MED13L: variants seen among roughly 807,000 people sequenced by gnomAD.
The protein encoded by MED13L is mediator of RNA polymerase II transcription subunit 13-like.
Under a neutral mutation model 220.9 loss-of-function variants are expected in MED13L, and 7 were observed. The observed-to-expected ratio is 0.03, with a 90% CI of 0.02 to 0.06. The LOEUF (loss-of-function observed/expected upper bound fraction) is 0.06. Among genes scored for constraint, MED13L ranks in the 10% least tolerant of loss-of-function variants. MED13L has a pLI of 1.00. For synonymous variants in MED13L, 1,011 were observed against 1,015.2 expected (o/e 1.00, Z 0.08); for missense variants, 1,965 against 2,760.5 (o/e 0.71, Z 6.46).
intron 7 of MED13L, among the ~76,000 whole-genome samples, chr12:116,018,958 T>A (rs1486903381): frequency 3.3e-5 from 5 of 149,734 alleles, no homozygotes; most frequent in Non-Finnish European, 5.9e-5. Context: ...CATACACACA[T>A]ACAGGGGCAG....
At chr12:116,018,761 A>T (rs1879877347) in intron 7 of MED13L, among the ~76,000 whole-genome samples, 3 of 152,180 alleles carry the variant, frequency 2.0e-5, no homozygotes, top group African/African-American at 7.2e-5. Context: ...GTATTTATTC[A>T]GAGCTACTAA....
At chr12:116,031,720 GAAAAGAAAAGAAAAGA>G (rs1880795891) in intron 4 of MED13L, among the ~76,000 whole-genome samples, 9 of 62,192 alleles carry the variant, frequency 1.4e-4, no homozygotes, top group Admixed American at 4.6e-4. Context: ...GAAAAGAAAA[GAAAAGAAAAGAAAAGA>G]AAAGAAAAGA....
chr12:116,217,198 G>A (rs1011584771), intron 2 of MED13L, among the ~76,000 whole-genome samples: 1 of 152,172 alleles, frequency 6.6e-6, no homozygotes, highest in Non-Finnish European at 1.5e-5. Flanking sequence ...CCAAGAGGGT[G>A]CTTGAGCACC....
At chr12:115,992,623 A>AATATTAC (rs1243269810) in intron 16 of MED13L, among the ~76,000 whole-genome samples, 4 of 152,232 alleles carry the variant, frequency 2.6e-5, no homozygotes, top group Non-Finnish European at 5.9e-5. Flanking sequence ...AACTGATAGA[A>AATATTAC]ATATTACATA....
intron 19 of MED13L, among the ~76,000 whole-genome samples, chr12:115,984,823 T>TC (rs774195573): frequency 6.6e-6 from 1 of 151,928 alleles, no homozygotes; most frequent in Non-Finnish European, 1.5e-5. Flanking sequence ...CATTTGGAGA[T>TC]CACCAATAGC....
chr12:116,168,192 A>T (rs1180959116), intron 2 of MED13L, among the ~76,000 whole-genome samples: 1 of 152,138 alleles, frequency 6.6e-6, no homozygotes, highest in African/African-American at 2.4e-5. Context: ...AAAAAAAGAA[A>T]TTTTTATTTA....
At chr12:116,128,571 C>T (rs1875800396) in intron 2 of MED13L, among the ~76,000 whole-genome samples, 1 of 152,152 alleles carries the variant, frequency 6.6e-6, no homozygotes, top group Non-Finnish European at 1.5e-5. Context: ...ACTTATAAAA[C>T]TTCTATCCCA....
chr12:116,255,498 T>C (rs1454543165), intron 1 of MED13L, among the ~76,000 whole-genome samples: 2 of 152,176 alleles, frequency 1.3e-5, no homozygotes, highest in Admixed American at 6.5e-5. Flanking sequence ...ACATGAAAAG[T>C]ATAGATTTAT....
Position 115,969,046 on chromosome 12 carries a change from C to T in MED13L, c.6119G>A (p.Gly2040Asp). 1 of 1,613,818 alleles carries T rather than the reference C, an allele frequency of 6.2e-7. No homozygotes were observed. The highest frequency in any genetic ancestry group is 8.5e-7 in the Non-Finnish European group (1 of 1,179,862). ...ATGGAGGTTCCCAGTCATTAATATG[C>T]CAATATCATTGTCCATATCATCTGG... ...PFPDDMDNDI[G>D]ILMTGNLHSS... The change falls in exon 28 of 31, where the codon GGC (glycine) becomes GAC (aspartate). Residue 2040 changes from glycine to aspartate, a missense_variant. Coordinates refer to ENST00000281928, the MANE Select transcript of MED13L (RefSeq NM_015335.5).
chr12:116,031,700 GAAAA>G lies in MED13L; in HGVS notation c.480-9103_480-9100del, dbSNP rs1475137186. On this transcript the variant is annotated intron_variant, in intron 4 of 30. Coordinates refer to ENST00000281928, the MANE Select transcript of MED13L (RefSeq NM_015335.5). ...AAAAAGAAAAGAAAAGAAAAGAAAA[GAAAA>G]GAAAAGAAAAGAAAAGAAAAGAAAA... Among the ~76,000 whole-genome samples the G allele has an allele frequency of 3.2e-4, 10 of 30,792 alleles. 1 individual carries two copies. Among genetic ancestry groups the G allele is most frequent in the Admixed American group, 6.5e-4 (2 of 3,056 alleles). 20.2% of individuals were successfully genotyped at this position (30,792 alleles called of 152,430 possible).
Position 116,031,730 on chromosome 12 carries a change from GAAAAGAAAAGAAAAGA to G in MED13L, c.480-9145_480-9130del, listed in dbSNP as rs1448571138. Among the ~76,000 whole-genome samples the G allele has an allele frequency of 1.4e-3, 93 of 65,438 alleles. 2 individuals are homozygous for G. The highest frequency in any genetic ancestry group is 3.5e-3 in the East Asian group (7 of 2,004). The allele number at this position is 65,438 out of a possible 152,430, so 42.9% of individuals were successfully genotyped here. On this transcript the variant is annotated intron_variant, in intron 4 of 30. Coordinates refer to ENST00000281928, the MANE Select transcript of MED13L (RefSeq NM_015335.5). The stretch of plus-strand genomic sequence containing the variant: ...GAAAAGAAAAGAAAAGAAAAGAAAA[GAAAAGAAAAGAAAAGA>G]AAAGAAAAGAAAAGAAGGAAGGAAG...
Position 116,078,023 on chromosome 12 carries a change from A to C in MED13L, c.479+18646T>G, listed in dbSNP as rs571117052. ...GCCGGGCATGGTGGCACCTAACTGT[A>C]ATCCCAGCTACTCGGGAGGCTGAGG... On this transcript the variant is annotated intron_variant, in intron 4 of 30. Coordinates refer to ENST00000281928, the MANE Select transcript of MED13L (RefSeq NM_015335.5). 9.2e-5 allele frequency among the ~76,000 whole-genome samples: 14 copies of C among 152,038 alleles called. No individual in the cohort carries two copies. In the South Asian group the frequency reaches 2.9e-3, roughly 32 times the overall value.
At chr12:116,078,748 A>G (rs1289214418) in intron 4 of MED13L, among the ~76,000 whole-genome samples, 3 of 152,218 alleles carry the variant, frequency 2.0e-5, no homozygotes, top group Non-Finnish European at 4.4e-5. Context: ...CCTTTACAAT[A>G]AAAGTTCACC....
chr12:115,987,917 G>C (rs890890235), intron 17 of MED13L, among the ~76,000 whole-genome samples: 1 of 152,146 alleles, frequency 6.6e-6, no homozygotes, highest in Non-Finnish European at 1.5e-5. Flanking sequence ...CCTGGGGAGG[G>C]ATTTCTAACC....
intron 1 of MED13L, among the ~76,000 whole-genome samples, chr12:116,254,147 G>A (rs766507298): frequency 5.9e-5 from 9 of 152,012 alleles, no homozygotes; most frequent in Non-Finnish European, 1.2e-4. Flanking sequence ...ACAATGAGAA[G>A]AGTGAATATT....
intron 2 of MED13L, chr12:116,230,310 G>C (rs896155370): frequency 5.9e-6 from 1 of 169,812 alleles, no homozygotes; most frequent in African/African-American, 2.4e-5. Context: ...TGAGGCAGGA[G>C]AATCGCTTGA....
chr12:116,132,509 C>T (rs533953465), intron 2 of MED13L, among the ~76,000 whole-genome samples: 8 of 152,164 alleles, frequency 5.3e-5, no homozygotes, highest in African/African-American at 1.7e-4. Context: ...ATGTCCTACA[C>T]TCAAACTAAG....
At chr12:116,234,572 A>C (rs1172323604) in intron 2 of MED13L, among the ~76,000 whole-genome samples, 1 of 152,072 alleles carries the variant, frequency 6.6e-6, no homozygotes, top group Non-Finnish European at 1.5e-5. Context: ...TGTAAGAAAC[A>C]GTAAAATGTC....
chr12:116,022,092 C>T (rs1880093974), intron 5 of MED13L, among the ~76,000 whole-genome samples: 1 of 152,066 alleles, frequency 6.6e-6, no homozygotes, highest in Non-Finnish European at 1.5e-5. Flanking sequence ...TTCCTAAAAC[C>T]TTGTTAATAA....
Sources: allele counts gnomAD v4.1 joint callset (sites outside exome capture counted in the v4.1 genomes callset), GRCh38; gene constraint gnomAD v4.1.1; transcripts MANE v1.5; gene names NCBI Gene and HGNC (gene_info 2026-07-23, HGNC 2026-07-21).